Variants in MXD4 observed in about 807,000 individuals in gnomAD.
MXD4 encodes the protein Mad4 homolog.
Under a neutral mutation model 24.5 loss-of-function variants are expected in MXD4, and 16 were observed. The observed-to-expected ratio is 0.65, with a 90% confidence interval of 0.44 to 0.99. The LOEUF is 0.99. MXD4 is among the 50% of genes least tolerant of loss of function. The probability of loss-of-function intolerance (pLI) is 0.00; values close to 1 mark genes in which losing one functional copy is unlikely to be tolerated. For synonymous variants in MXD4, 164 were observed against 134.2 expected, an observed-to-expected ratio of 1.22 and a Z score of -1.54; for missense variants, 301 against 301.5, an observed-to-expected ratio of 1.00 and a Z score of 0.01.
rs1487086616 is a variant in MXD4 at position 2,249,068 on chromosome 4, G to C, written c.*1476C>G. The C allele has an allele frequency of 6.6e-6, 1 of 152,370 alleles. No individual in the cohort carries two copies. The highest frequency in any genetic ancestry group is 1.5e-5 in the Non-Finnish European group (1 of 68,088). 9.4% of individuals were successfully genotyped at this position (152,370 alleles called of 1,614,324 possible). Reference sequence around the variant, plus strand: ...AGGCCCCTGCCAGCCACTGGGGAGGGCAACACTGGGGACCAGGTCACAGCC... The same window carrying C: ...AGGCCCCTGCCAGCCACTGGGGAGGCCAACACTGGGGACCAGGTCACAGCC... On this transcript the variant is annotated 3_prime_UTR_variant, in exon 6 of 6. Coordinates refer to ENST00000337190, the MANE Select transcript of MXD4 (RefSeq NM_006454.3).
intron 2 of MXD4, chr4:2,260,695 G>A (rs964070618): frequency 3.1e-5 from 13 of 416,138 alleles, no homozygotes; most frequent in Non-Finnish European, 5.8e-5. Context: ...CCAATTCCTC[G>A]CCTGGCTCAG....
rs1408608304 is a variant in MXD4, at chr4:2,249,412, G to T, written c.*1132C>A. The T allele has an allele frequency of 1.3e-5, 2 of 152,156 alleles. No homozygotes were observed. The highest frequency in any genetic ancestry group is 2.9e-5 in the Non-Finnish European group (2 of 68,022). The allele number at this position is 152,156 out of a possible 1,614,324, so 9.4% of individuals were successfully genotyped here. On this transcript the variant is annotated 3_prime_UTR_variant, in exon 6 of 6. Coordinates refer to ENST00000337190, the MANE Select transcript of MXD4 (RefSeq NM_006454.3). ...GAGGCGGCACACACGGACGTCCCTA[G>T]GCCGAGAGTCTTTAGGCTTTCTTCT... is the stretch of plus-strand genomic sequence containing the variant.
chr4:2,255,912 G>A (rs1445295799), intron 3 of MXD4, among the ~76,000 whole-genome samples: 2 of 152,136 alleles, frequency 1.3e-5, no homozygotes, highest in Non-Finnish European at 2.9e-5. Context: ...GGAGCTGGGG[G>A]TGGCCCAGGA....
chr4:2,257,642 G>C (rs1735457475), intron 3 of MXD4, among the ~76,000 whole-genome samples: 1 of 152,242 alleles, frequency 6.6e-6, no homozygotes, highest in Non-Finnish European at 1.5e-5. Flanking sequence ...GATGCACAGG[G>C]CAGAGAGCCG....
intron 2 of MXD4, among the ~76,000 whole-genome samples, chr4:2,259,941 C>T (rs928684086): frequency 6.6e-6 from 1 of 152,250 alleles, no homozygotes; most frequent in African/African-American, 2.4e-5. Context: ...GCCCCAGCCT[C>T]ACTGTGCCAT....
rs1374521830 is a variant in MXD4, at chr4:2,262,089, A to C, written c.-109T>G. 2 of 445,090 alleles carry C rather than the reference A, an allele frequency of 4.5e-6. No homozygotes were observed. The highest frequency in any genetic ancestry group is 5.9e-6 in the Non-Finnish European group (2 of 336,406). 27.6% of individuals were successfully genotyped at this position (445,090 alleles called of 1,614,324 possible). On this transcript the variant is annotated 5_prime_UTR_variant, in exon 1 of 6. Coordinates refer to ENST00000337190, the MANE Select transcript of MXD4 (RefSeq NM_006454.3). ...GCGCGCCCGGCCGCCGCACTTCCAG[A>C]CTCCGCGGACTCCGGCGCTCGGCCG...
intron 2 of MXD4, among the ~76,000 whole-genome samples, chr4:2,261,022 A>T (rs1735529421): frequency 6.6e-6 from 1 of 152,142 alleles, no homozygotes; most frequent in African/African-American, 2.4e-5. Flanking sequence ...CGCAGCTGGC[A>T]CCCGTAGTAA....
At chr4:2,260,647 T>G in intron 2 of MXD4, 1 of 449,586 alleles carries the variant, frequency 2.2e-6, no homozygotes, top group East Asian at 7.0e-5. Flanking sequence ...GGGCTGGGAC[T>G]CAGGGACGGG....
Position 2,248,845 on chromosome 4 carries a change from G to A in MXD4, c.*1699C>T, listed in dbSNP as rs1241081222. ...ATGTACCAGAGGCACGGCAGGCACT[G>A]CTATGGGCCAGCCCCAAGGACAGAG... is the stretch of plus-strand genomic sequence containing the variant. On this transcript the variant is annotated 3_prime_UTR_variant, in exon 6 of 6. Coordinates refer to ENST00000337190, the MANE Select transcript of MXD4 (RefSeq NM_006454.3). 1 of 152,354 alleles carries A rather than the reference G, an allele frequency of 6.6e-6. No homozygotes were observed. The allele number at this position is 152,354 out of a possible 1,614,324, so 9.4% of individuals were successfully genotyped here.
intron 3 of MXD4, among the ~76,000 whole-genome samples, chr4:2,255,649 C>T (rs11736085): frequency 0.17 from 25,837 of 152,168 alleles, 2,680 homozygotes; most frequent in East Asian, 0.36. Context: ...GCCAGCACCC[C>T]ACGGCTGTCC....
In MXD4 at chr4:2,261,830, G is replaced by T. The variant is rs1419195845; in HGVS notation, c.65-6C>A. 1 of 1,370,350 alleles carries T rather than the reference G, an allele frequency of 7.3e-7. No individual in the cohort carries two copies. The highest frequency in any genetic ancestry group is 1.5e-5 in the African/African-American group (1 of 64,728). The allele number at this position is 1,370,350 out of a possible 1,614,324, so 84.9% of individuals were successfully genotyped here. A position where few individuals can be genotyped will look rare whatever the true frequency, so the allele number is the denominator to read the frequency against. On this transcript the variant is annotated splice_region_variant and splice_polypyrimidine_tract_variant and intron_variant, in intron 1 of 5. Transcript: ENST00000337190. ...GGCGTAGCCGTGCTCGGCCTCTGCG[G>T]ACACACGGCGCGGTCAGCGGCCCCC... is the stretch of plus-strand genomic sequence containing the variant.
At position 2,253,922 on chromosome 4, in the gene MXD4, ACCG is replaced by A. The variant is rs561455669; in HGVS notation, c.195-1403_195-1401del. ...CAGTGCCTGGAAGCTCAGCCTCCCC[ACCG>A]CCAACAGGAGTGAGCGCCCTGCCGC... On this transcript the variant is annotated intron_variant, in intron 3 of 5. Transcript: ENST00000337190. 7.0e-3 allele frequency: 1,059 copies of A among 152,326 alleles called. 8 individuals are homozygous for A. Among genetic ancestry groups the A allele is most frequent in the Middle Eastern group, 0.013 (4 of 300 alleles). The allele number at this position is 152,326 out of a possible 1,614,324, so 9.4% of individuals were successfully genotyped here. A position where few individuals can be genotyped will look rare whatever the true frequency, so the allele number is the denominator to read the frequency against.
At position 2,250,499 on chromosome 4, in the gene MXD4, C is replaced by G. The variant is rs771071358; in HGVS notation, c.*45G>C. ...CTGAAGGAGAACTGGAGGGCTGACACGCGTGGCTGGCGGGCAGGCAGGCCA... is the reference window on the plus strand; with the variant it reads ...CTGAAGGAGAACTGGAGGGCTGACAGGCGTGGCTGGCGGGCAGGCAGGCCA... On this transcript the variant is annotated 3_prime_UTR_variant, in exon 6 of 6. Transcript: ENST00000337190. The G allele has an allele frequency of 2.0e-6, 3 of 1,508,318 alleles. No individual in the cohort carries two copies. The highest frequency in any genetic ancestry group is 1.3e-5 in the South Asian group (1 of 78,078). The allele number at this position is 1,508,318 out of a possible 1,614,324, so 93.4% of individuals were successfully genotyped here.
At chr4:2,257,071 A>G (rs947812102) in intron 3 of MXD4, among the ~76,000 whole-genome samples, 1 of 152,208 alleles carries the variant, frequency 6.6e-6, no homozygotes, top group African/African-American at 2.4e-5. Context: ...CTCAGAGAAC[A>G]CTGCGTTCTG....
chr4:2,255,603 C>G (rs894631551), intron 3 of MXD4, among the ~76,000 whole-genome samples: 2 of 152,264 alleles, frequency 1.3e-5, no homozygotes, highest in Admixed American at 6.5e-5. Flanking sequence ...GCTGAGCCCT[C>G]CCCTCCTGAA....
At chr4:2,255,480 G>A in intron 3 of MXD4, 2 of 442,920 alleles carry the variant, frequency 4.5e-6, no homozygotes, top group South Asian at 1.6e-5. Flanking sequence ...GCCCTGGAGA[G>A]CAGCAGTGGC....
intron 4 of MXD4, 31 bp from the exon 5 acceptor site, chr4:2,251,277 C>A (rs2233041): frequency 1.9e-6 from 3 of 1,547,192 alleles, no homozygotes; most frequent in Admixed American, 1.9e-5. Flanking sequence ...GAGCTCACAG[C>A]GGGAAGAGGA....
chr4:2,256,439 G>T (rs1303740937), intron 3 of MXD4, among the ~76,000 whole-genome samples: 1 of 152,224 alleles, frequency 6.6e-6, no homozygotes, highest in East Asian at 1.9e-4. Context: ...GGGGATGGCT[G>T]GGTGGCCCAG....
intron 3 of MXD4, 77 bp downstream of exon 3, chr4:2,257,905 G>T (rs1283706730): frequency 4.4e-6 from 7 of 1,583,906 alleles, no homozygotes; most frequent in Non-Finnish European, 2.6e-6. Flanking sequence ...ACAGGGGCAG[G>T]CTCAACGCAC....
Sources: allele counts gnomAD v4.1 joint callset (sites outside exome capture counted in the v4.1 genomes callset), GRCh38; gene constraint gnomAD v4.1.1; transcripts MANE v1.5; gene names NCBI Gene and HGNC (gene_info 2026-07-23, HGNC 2026-07-21).